Variants in CDC73 observed in about 807,000 individuals in gnomAD.
The protein encoded by CDC73 is parafibromin.
A neutral mutation model predicts 83.7 loss-of-function variants in CDC73; 21 were observed. That is an observed-to-expected ratio of 0.25 (90% confidence interval 0.18 to 0.36). The LOEUF (loss-of-function observed/expected upper bound fraction) is 0.36, where lower values mean the gene tolerates loss of function less well. Ranked by LOEUF, CDC73 falls within the 10% of genes least tolerant of loss-of-function variation. CDC73 has a pLI of 1.00. For synonymous variants in CDC73, 224 were observed against 212.9 expected (o/e 1.05, Z -0.45); for missense variants, 342 against 653.3 (o/e 0.52, Z 5.19).
Position 193,180,653 on chromosome 1 carries a change from G to A in CDC73, c.973-23142G>A, listed in dbSNP as rs1320126102. On this transcript the variant is annotated intron_variant, in intron 10 of 16. Transcript: ENST00000367435. ...CAGAAGACAGGATAACGCTCACTTG[G>A]GTAGAGGTCTGGTGGCATGTACCAC... The A allele has an allele frequency of 2.5e-6, 4 of 1,613,988 alleles. No individual in the cohort carries two copies. The highest frequency in any genetic ancestry group is 3.4e-6 in the Non-Finnish European group (4 of 1,179,964).
chr1:193,225,245 GATATATAT>G (rs56261261), intron 13 of CDC73, among the ~76,000 whole-genome samples: 244 of 143,084 alleles, frequency 1.7e-3, no homozygotes, highest in Middle Eastern at 3.6e-3. Flanking sequence ...AGTATTCCAT[GATATATAT>G]ATATATATAT....
At chr1:193,219,197 C>T (rs1223701431) in intron 13 of CDC73, among the ~76,000 whole-genome samples, 1 of 152,182 alleles carries the variant, frequency 6.6e-6, no homozygotes, top group Non-Finnish European at 1.5e-5. Context: ...TATCATCTCA[C>T]ATCACACCAG....
intron 7 of CDC73, among the ~76,000 whole-genome samples, chr1:193,142,268 A>G (rs148211159): frequency 2.0e-4 from 31 of 152,286 alleles, no homozygotes; most frequent in African/African-American, 7.2e-4. Flanking sequence ...GACATCAGAG[A>G]TGCTGATGAA....
intron 10 of CDC73, chr1:193,180,527 T>A (rs976996338): frequency 6.2e-7 from 1 of 1,613,896 alleles, no homozygotes; most frequent in African/African-American, 1.3e-5. Flanking sequence ...GCAAGACAGA[T>A]CCCTACATAT....
intron 13 of CDC73, among the ~76,000 whole-genome samples, chr1:193,222,377 G>T (rs1460473514): frequency 6.6e-6 from 1 of 152,178 alleles, no homozygotes; most frequent in African/African-American, 2.4e-5. Context: ...AAAGAAACAG[G>T]CAGAAAAATT....
At chr1:193,158,144 A>T (rs896153893) in intron 10 of CDC73, among the ~76,000 whole-genome samples, 2 of 151,832 alleles carry the variant, frequency 1.3e-5, no homozygotes, top group African/African-American at 4.8e-5. Flanking sequence ...ATTCAAAGTT[A>T]TAAAGACTAG....
chr1:193,230,524 G>A (rs1159220613), intron 13 of CDC73, among the ~76,000 whole-genome samples: 1 of 136,210 alleles, frequency 7.3e-6, no homozygotes, highest in East Asian at 2.1e-4. Flanking sequence ...ACCTAAAAAT[G>A]GAAGATAGCA....
At chr1:193,221,282 T>C (rs1677465011) in intron 13 of CDC73, among the ~76,000 whole-genome samples, 1 of 152,210 alleles carries the variant, frequency 6.6e-6, no homozygotes, top group East Asian at 1.9e-4. Context: ...TTATTGCATT[T>C]ATCTCCAAAT....
chr1:193,178,503 G>GCA lies in CDC73; in HGVS notation c.973-25280_973-25279dup, dbSNP rs147986107. On this transcript the variant is annotated intron_variant, in intron 10 of 16. Transcript: ENST00000367435. ...TCTTTCTATGTACACACCTGTGTAT[G>GCA]CACACACACACACTGTTTTTAAAAC... is the stretch of plus-strand genomic sequence containing the variant. Among the ~76,000 whole-genome samples, 131 of 151,978 alleles carry GCA rather than the reference G, an allele frequency of 8.6e-4. No individual in the cohort carries two copies. The Middle Eastern group carries it at 0.01, about 12-fold the overall frequency.
At chr1:193,150,163 T>C (rs1286077030) in intron 8 of CDC73, 141 bp from the exon 9 acceptor site, 15 of 668,732 alleles carry the variant, frequency 2.2e-5, no homozygotes, top group Non-Finnish European at 3.0e-5. Context: ...CCCAGCTACT[T>C]GGAAGGCTGA....
At chr1:193,220,157 CTTTTTTTTTTTTTTTT>C (rs776793164) in intron 13 of CDC73, among the ~76,000 whole-genome samples, 4 of 108,776 alleles carry the variant, frequency 3.7e-5, no homozygotes, top group Non-Finnish European at 7.5e-5. Flanking sequence ...ACAATGATAA[CTTTTTTTTTTTTTTTT>C]TTTTTTTTTT....
chr1:193,231,426 A>C (rs1218849348), intron 13 of CDC73, among the ~76,000 whole-genome samples: 1 of 152,222 alleles, frequency 6.6e-6, no homozygotes, highest in Non-Finnish European at 1.5e-5. Flanking sequence ...TAAAACTTAT[A>C]GCACAATGTA....
intron 2 of CDC73, among the ~76,000 whole-genome samples, chr1:193,129,802 C>G (rs773602684): frequency 6.6e-6 from 1 of 151,982 alleles, no homozygotes; most frequent in Non-Finnish European, 1.5e-5. Flanking sequence ...TGTGAGCCAC[C>G]GCGCCCAGCC....
At chr1:193,230,735 G>C (rs1011360133) in intron 13 of CDC73, among the ~76,000 whole-genome samples, 1 of 152,024 alleles carries the variant, frequency 6.6e-6, no homozygotes, top group South Asian at 2.1e-4. Context: ...CACAATCATT[G>C]TGTCTTAGAT....
chr1:193,163,543 C>A (rs1676379297), intron 10 of CDC73, among the ~76,000 whole-genome samples: 1 of 151,870 alleles, frequency 6.6e-6, no homozygotes, highest in Non-Finnish European at 1.5e-5. Context: ...GAAGAAACTT[C>A]AAGAACGTAA....
Position 193,142,078 on chromosome 1 carries a change from A to AT in CDC73, c.729+16dup. The stretch of plus-strand genomic sequence containing the variant: ...AAAGCACAGGAAAGGTAATTAAAAT[A>AT]TTTTACTCATTCATTGGAGTGAGAG... On this transcript the variant is annotated intron_variant, in intron 7 of 16. Transcript: ENST00000367435. The AT allele has an allele frequency of 6.3e-7, 1 of 1,586,108 alleles. No individual in the cohort carries two copies. Among genetic ancestry groups the AT allele is most frequent in the South Asian group, 1.1e-5 (1 of 90,424 alleles).
intron 6 of CDC73, among the ~76,000 whole-genome samples, chr1:193,138,728 T>C (rs1364006960): frequency 6.6e-6 from 1 of 151,892 alleles, no homozygotes; most frequent in African/African-American, 2.4e-5. Flanking sequence ...CTGTTTATAT[T>C]CTTTTTTGAA....
intron 8 of CDC73, among the ~76,000 whole-genome samples, chr1:193,148,785 C>A (rs996839465): frequency 2.6e-5 from 4 of 151,262 alleles, no homozygotes; most frequent in African/African-American, 7.3e-5. Flanking sequence ...GCCAGGATTA[C>A]AGGCGCATGC....
intron 13 of CDC73, among the ~76,000 whole-genome samples, chr1:193,225,696 G>A (rs1179674716): frequency 1.3e-5 from 2 of 151,854 alleles, no homozygotes; most frequent in African/African-American, 2.4e-5. Flanking sequence ...TTGGCCATTT[G>A]TTTATCTTCC....
Sources: allele counts gnomAD v4.1 joint callset (sites outside exome capture counted in the v4.1 genomes callset), GRCh38; gene constraint gnomAD v4.1.1; transcripts MANE v1.5; gene names NCBI Gene and HGNC (gene_info 2026-07-23, HGNC 2026-07-21).